The following KCNQ3 variants were observed in gnomAD, a reference collection of about 807,000 sequenced individuals.
The protein encoded by KCNQ3 is potassium voltage-gated channel subfamily Q member 3, also known as potassium voltage-gated channel subfamily KQT member 3.
A neutral mutation model predicts 92.5 loss-of-function variants in KCNQ3; 30 were observed. The ratio of observed to expected loss-of-function variants is 0.32; its 90% CI spans 0.24 to 0.44. The LOEUF is 0.44. KCNQ3 is among the 20% of genes least tolerant of loss of function. The probability of loss-of-function intolerance (pLI) is 1.00; values close to 1 mark genes in which losing one functional copy is unlikely to be tolerated. For missense variants in KCNQ3, 913 were observed against 1,140.3 expected (o/e 0.80, Z 2.87); for synonymous variants, 450 against 468.8 (o/e 0.96, Z 0.52).
intron 1 of KCNQ3, among the ~76,000 whole-genome samples, chr8:132,400,330 A>G (rs1820301506): frequency 6.6e-6 from 1 of 152,220 alleles, no homozygotes; most frequent in Admixed American, 6.5e-5. Context: ...TCCGATTTGC[A>G]GGCATTGAGT....
intron 1 of KCNQ3, among the ~76,000 whole-genome samples, chr8:132,393,048 C>G (rs780346185): frequency 6.6e-6 from 1 of 152,136 alleles, no homozygotes; most frequent in Non-Finnish European, 1.5e-5. Context: ...ACAGTAGGTA[C>G]TTTAAAAATA....
chr8:132,479,919 G>A (rs1822504640), intron 1 of KCNQ3, among the ~76,000 whole-genome samples: 1 of 144,944 alleles, frequency 6.9e-6, no homozygotes, highest in Admixed American at 7.0e-5. Flanking sequence ...CGTTTTTTAA[G>A]CCCCTAGTGT....
intron 1 of KCNQ3, among the ~76,000 whole-genome samples, chr8:132,475,338 T>C (rs555436246): frequency 6.6e-6 from 1 of 152,242 alleles, no homozygotes; most frequent in South Asian, 2.1e-4. Context: ...TCTAGAGGGC[T>C]CAGAAGAAGA....
Position 132,239,667 on chromosome 8 carries a change from C to T in KCNQ3, c.387-53486G>A, listed in dbSNP as rs1250287344. On this transcript the variant is annotated intron_variant, in intron 1 of 14. Transcript: ENST00000388996. Reference sequence around the variant, plus strand: ...AGTGAAATGTGACATTTAAGACACACTTGCATGATGGAACCAGACCCCATA... The same window carrying T: ...AGTGAAATGTGACATTTAAGACACATTTGCATGATGGAACCAGACCCCATA... 2.6e-5 allele frequency among the ~76,000 whole-genome samples: 4 copies of T among 152,170 alleles called. No homozygotes were observed. The East Asian group carries it at 5.8e-4, about 22-fold the overall frequency.
intron 1 of KCNQ3, among the ~76,000 whole-genome samples, chr8:132,365,366 C>A (rs940594001): frequency 2.6e-5 from 4 of 152,182 alleles, no homozygotes; most frequent in African/African-American, 9.7e-5. Context: ...ACAATAAACC[C>A]AGGCATTTTT....
chr8:132,290,420 A>G (rs1406185291), intron 1 of KCNQ3, among the ~76,000 whole-genome samples: 1 of 152,178 alleles, frequency 6.6e-6, no homozygotes, highest in African/African-American at 2.4e-5. Context: ...TGGTTTGGAG[A>G]GAGGGTTAGG....
intron 7 of KCNQ3, among the ~76,000 whole-genome samples, chr8:132,170,634 T>C (rs1223959207): frequency 6.6e-6 from 1 of 151,960 alleles, no homozygotes; most frequent in Admixed American, 6.6e-5. Context: ...GAGCTATAAT[T>C]GGTGTTGTGG....
intron 1 of KCNQ3, among the ~76,000 whole-genome samples, chr8:132,411,573 C>T (rs72721062): frequency 0.033 from 4,968 of 152,130 alleles, 106 homozygotes; most frequent in Non-Finnish European, 0.052. Context: ...AGGAAAGACC[C>T]ATGAGAGGAA....
chr8:132,174,024 A>G (rs1826467018), intron 6 of KCNQ3, among the ~76,000 whole-genome samples: 1 of 152,230 alleles, frequency 6.6e-6, no homozygotes, highest in Non-Finnish European at 1.5e-5. Context: ...TAAAGAAGGC[A>G]GCATTGAAAG....
At chr8:132,333,062 A>ATGGAT (rs1563864375) in intron 1 of KCNQ3, among the ~76,000 whole-genome samples, 8 of 147,126 alleles carry the variant, frequency 5.4e-5, no homozygotes, top group African/African-American at 2.1e-4. Flanking sequence ...GATGGATGGA[A>ATGGAT]GATGAACAAA....
intron 13 of KCNQ3, among the ~76,000 whole-genome samples, chr8:132,133,354 C>CTTTTTTTTTTTT (rs10673519): frequency 2.9e-5 from 3 of 103,478 alleles, no homozygotes; most frequent in Non-Finnish European, 3.6e-5. Flanking sequence ...GCTCTCGATT[C>CTTTTTTTTTTTT]TTTTTTTTTT....
intron 1 of KCNQ3, among the ~76,000 whole-genome samples, chr8:132,303,714 TAC>T (rs1209919952): frequency 1.5e-5 from 2 of 136,078 alleles, no homozygotes; most frequent in African/African-American, 5.4e-5. Context: ...CACATATATA[TAC>T]ACCACATATA....
intron 1 of KCNQ3, among the ~76,000 whole-genome samples, chr8:132,350,069 A>G (rs749487499): frequency 4.6e-5 from 7 of 152,138 alleles, no homozygotes; most frequent in Non-Finnish European, 8.8e-5. Context: ...ATTACTTTGG[A>G]CCTGTGAAAT....
At chr8:132,452,485 C>T (rs754449974) in intron 1 of KCNQ3, among the ~76,000 whole-genome samples, 3 of 152,206 alleles carry the variant, frequency 2.0e-5, no homozygotes, top group Non-Finnish European at 2.9e-5. Flanking sequence ...TCCACTGGAA[C>T]CTTCTGGCAA....
intron 1 of KCNQ3, chr8:132,447,183 G>A: frequency 2.6e-6 from 4 of 1,533,684 alleles, no homozygotes; most frequent in East Asian, 2.4e-5. Context: ...TCCCCAAAAT[G>A]AGAATCCAAA....
At chr8:132,471,969 TA>T (rs1190541099) in intron 1 of KCNQ3, among the ~76,000 whole-genome samples, 1 of 152,120 alleles carries the variant, frequency 6.6e-6, no homozygotes, top group Non-Finnish European at 1.5e-5. Flanking sequence ...AGATATTTCT[TA>T]AAAGAAGACA....
chr8:132,342,579 T>C (rs567849423), intron 1 of KCNQ3, among the ~76,000 whole-genome samples: 2 of 152,200 alleles, frequency 1.3e-5, no homozygotes, highest in Admixed American at 1.3e-4. Flanking sequence ...TGATAAATTA[T>C]CATCCCTACT....
intron 1 of KCNQ3, among the ~76,000 whole-genome samples, chr8:132,434,276 T>C (rs988046803): frequency 6.6e-6 from 1 of 152,038 alleles, no homozygotes; most frequent in African/African-American, 2.4e-5. Flanking sequence ...AAGTTGCTAA[T>C]TTGTGGTCAG....
At chr8:132,277,959 A>G in intron 1 of KCNQ3, 1 of 985,270 alleles carries the variant, frequency 1.0e-6, no homozygotes, top group Non-Finnish European at 1.2e-6. Context: ...GCATTCCACA[A>G]GCATCTCACC....
Sources: gnomAD v4.1 joint callset for allele counts (sites outside exome capture counted in the v4.1 genomes callset) on GRCh38, gnomAD v4.1.1 for gene constraint, MANE v1.5 for transcripts, NCBI Gene and HGNC (gene_info 2026-07-23, HGNC 2026-07-21) for gene names.